BCAR3: variants seen among roughly 807,000 people sequenced by gnomAD.
The protein encoded by BCAR3 is BCAR3 adaptor protein, NSP family member, also known as breast cancer anti-estrogen resistance protein 3.
In BCAR3, 37 loss-of-function variants were observed where a neutral mutation model predicts 80.1. The observed-to-expected ratio is 0.46, with a 90% CI of 0.36 to 0.61. The LOEUF is 0.61. Ranked by LOEUF, BCAR3 falls within the 20% of genes least tolerant of loss-of-function variation. BCAR3 has a pLI of 0.00. For synonymous variants in BCAR3, 389 were observed against 418.9 expected, an observed-to-expected ratio of 0.93 and a Z score of 0.87; for missense variants, 978 against 1,068.2, an observed-to-expected ratio of 0.92 and a Z score of 1.18.
At chr1:93,706,864 A>C (rs1189454439) in intron 2 of BCAR3, among the ~76,000 whole-genome samples, 1 of 152,236 alleles carries the variant, frequency 6.6e-6, no homozygotes, top group Non-Finnish European at 1.5e-5. Context: ...TACTAAAGTA[A>C]ACAATATACA....
intron 2 of BCAR3, among the ~76,000 whole-genome samples, chr1:93,643,104 G>A (rs1311107338): frequency 6.6e-6 from 1 of 151,776 alleles, no homozygotes; most frequent in Non-Finnish European, 1.5e-5. Context: ...GCGCATGTCT[G>A]TAATCCCAGC....
intron 2 of BCAR3, among the ~76,000 whole-genome samples, chr1:93,788,599 G>A (rs140015242): frequency 6.6e-6 from 1 of 152,188 alleles, no homozygotes; most frequent in East Asian, 1.9e-4. Context: ...AAAATTCTTG[G>A]CTGACAATTA....
intron 2 of BCAR3, among the ~76,000 whole-genome samples, chr1:93,660,735 T>C (rs1312334596): frequency 6.6e-6 from 1 of 152,266 alleles, no homozygotes; most frequent in Non-Finnish European, 1.5e-5. Flanking sequence ...GTTTGTTTGA[T>C]ACAGAGTCTC....
At chr1:93,741,913 G>C (rs1198219436) in intron 2 of BCAR3, among the ~76,000 whole-genome samples, 2 of 152,172 alleles carry the variant, frequency 1.3e-5, no homozygotes, top group African/African-American at 4.8e-5. Flanking sequence ...GGTAAGGAAC[G>C]CATATTGACA....
intron 2 of BCAR3, among the ~76,000 whole-genome samples, chr1:93,826,802 G>T (rs569359486): frequency 1.3e-5 from 2 of 152,256 alleles, no homozygotes; most frequent in Non-Finnish European, 2.9e-5. Flanking sequence ...GGGTGTGTGT[G>T]TGTGTGCGTG....
chr1:93,655,535 G>A (rs920508889), intron 2 of BCAR3, among the ~76,000 whole-genome samples: 3 of 152,138 alleles, frequency 2.0e-5, no homozygotes, highest in Non-Finnish European at 2.9e-5. Context: ...ATCATGCCTG[G>A]CACATGGCAG....
rs1673781282 is a variant in BCAR3, at chr1:93,582,971, A to G, written c.1034-18T>C. ...CTTGCAGCCTGTGGGGGATAAGAAA[A>G]GGTCAGAGAAAGCTCATCTGTGTGG... On this transcript the variant is annotated intron_variant, in intron 6 of 11. Coordinates refer to ENST00000260502, the MANE Select transcript of BCAR3 (RefSeq NM_003567.4). 2 of 1,564,578 alleles carry G rather than the reference A, an allele frequency of 1.3e-6. No individual in the cohort carries two copies. Among genetic ancestry groups the G allele is most frequent in the Non-Finnish European group, 1.7e-6 (2 of 1,160,280 alleles).
chr1:93,629,606 T>C (rs566983098), intron 3 of BCAR3, among the ~76,000 whole-genome samples: 19 of 152,340 alleles, frequency 1.2e-4, no homozygotes, highest in Non-Finnish European at 2.1e-4. Context: ...CTTAGAATAT[T>C]TAGAAACCGA....
intron 2 of BCAR3, among the ~76,000 whole-genome samples, chr1:93,708,097 G>A (rs969200327): frequency 1.3e-5 from 2 of 152,130 alleles, no homozygotes; most frequent in Admixed American, 6.5e-5. Context: ...AGAAGGAAAT[G>A]GAACTTCGCA....
intron 9 of BCAR3, among the ~76,000 whole-genome samples, chr1:93,570,689 G>C (rs1673176668): frequency 6.6e-6 from 1 of 152,212 alleles, no homozygotes. Flanking sequence ...TAAGGATTCT[G>C]ATAGAAGCTC....
chr1:93,629,751 G>A (rs1675554376), intron 3 of BCAR3, among the ~76,000 whole-genome samples: 1 of 152,222 alleles, frequency 6.6e-6, no homozygotes, highest in African/African-American at 2.4e-5. Flanking sequence ...TAGTTAACAA[G>A]ATCTCCCAAA....
intron 2 of BCAR3, among the ~76,000 whole-genome samples, chr1:93,669,454 T>C (rs1648099713): frequency 6.6e-6 from 1 of 152,198 alleles, no homozygotes; most frequent in South Asian, 2.1e-4. Flanking sequence ...CTAGGGATAA[T>C]TCTGCAGACT....
At chr1:93,710,232 C>T (rs796922101) in intron 2 of BCAR3, among the ~76,000 whole-genome samples, 5 of 152,342 alleles carry the variant, frequency 3.3e-5, no homozygotes, top group African/African-American at 1.2e-4. Context: ...TTGTTTCTGG[C>T]TTTGCCCCTG....
In BCAR3 at chr1:93,802,106, C is replaced by T. The variant is rs115628545; in HGVS notation, c.-63+43461G>A. On this transcript the variant is annotated intron_variant, in intron 2 of 13. Transcript: ENST00000370244. ...ATTGTGCCACTGCACTGCAGCCTGA[C>T]GACAGAGCAAGACTCCATCTCAAAA... Among the ~76,000 whole-genome samples the T allele has an allele frequency of 1.7e-3, 253 of 146,514 alleles. 2 individuals carry two copies. Among genetic ancestry groups the T allele is most frequent in the Non-Finnish European group, 2.9e-3 (196 of 67,110 alleles).
At chr1:93,822,715 C>G (rs1654272201) in intron 2 of BCAR3, among the ~76,000 whole-genome samples, 1 of 151,898 alleles carries the variant, frequency 6.6e-6, no homozygotes, top group Non-Finnish European at 1.5e-5. Context: ...CAGGCAGGGA[C>G]CTGAACATGA....
intron 2 of BCAR3, among the ~76,000 whole-genome samples, chr1:93,665,590 T>C (rs563676819): frequency 4.2e-4 from 64 of 152,284 alleles, no homozygotes; most frequent in Admixed American, 2.7e-3. Flanking sequence ...CCTTTGACGA[T>C]GGCATCCATT....
At position 93,691,291 on chromosome 1, in the gene BCAR3, G is replaced by T. The variant is rs1649177164; in HGVS notation, c.-12+14801C>A. ...AAATGATAGTGGTAATGGTCCCACTGGGGAACAGCCTCCCATTACTTCACA... is the reference window on the plus strand; with the variant it reads ...AAATGATAGTGGTAATGGTCCCACTTGGGAACAGCCTCCCATTACTTCACA... On this transcript the variant is annotated intron_variant, in intron 3 of 13. Coordinates refer to the BCAR3 transcript ENST00000370244. 3.3e-5 allele frequency among the ~76,000 whole-genome samples: 5 copies of T among 152,208 alleles called. No homozygotes were observed. In the South Asian group the frequency reaches 1.0e-3, roughly 32 times the overall value.
At chr1:93,844,644 C>T (rs1655077551) in intron 2 of BCAR3, among the ~76,000 whole-genome samples, 1 of 151,762 alleles carries the variant, frequency 6.6e-6, no homozygotes, top group Non-Finnish European at 1.5e-5. Context: ...CTATAAACTG[C>T]TTAGTTAATT....
intron 3 of BCAR3, among the ~76,000 whole-genome samples, chr1:93,610,096 C>T (rs1355934855): frequency 6.6e-6 from 1 of 152,240 alleles, no homozygotes; most frequent in African/African-American, 2.4e-5. Context: ...CCCACTGGGT[C>T]CCCAGCACCG....
Sources: allele counts gnomAD v4.1 joint callset (sites outside exome capture counted in the v4.1 genomes callset), GRCh38; gene constraint gnomAD v4.1.1; transcripts MANE v1.5; gene names NCBI Gene and HGNC (gene_info 2026-07-23, HGNC 2026-07-21).